Variants in AEBP2 observed in about 807,000 individuals in gnomAD.
AEBP2 encodes the protein AE binding protein 2, also known as zinc finger protein AEBP2.
A neutral mutation model predicts 50.8 loss-of-function variants in AEBP2; 10 were observed. The ratio of observed to expected loss-of-function variants is 0.20; its 90% CI spans 0.12 to 0.33. The LOEUF (loss-of-function observed/expected upper bound fraction) is 0.33. Among genes scored for constraint, AEBP2 ranks in the 10% least tolerant of loss-of-function variants. The probability of loss-of-function intolerance (pLI) is 1.00; values close to 1 mark genes in which losing one functional copy is unlikely to be tolerated. For missense variants in AEBP2, 570 were observed against 688.0 expected (o/e 0.83, Z 1.92); for synonymous variants, 296 against 261.3 (o/e 1.13, Z -1.28).
chr12:19,452,852 AATG>A (rs1357383792), intron 1 of AEBP2, among the ~76,000 whole-genome samples: 1 of 152,158 alleles, frequency 6.6e-6, no homozygotes, highest in Non-Finnish European at 1.5e-5. Flanking sequence ...CTGTTAGCTG[AATG>A]ATAGTTTACC....
chr12:19,508,706 C>G lies in AEBP2; in HGVS notation c.1300-3692C>G, dbSNP rs1023418314. Among the ~76,000 whole-genome samples the G allele has an allele frequency of 3.9e-5, 6 of 152,192 alleles. No individual in the cohort carries two copies. In the East Asian group the frequency reaches 1.2e-3, roughly 29 times the overall value. ...CTTGCATAGATTCCTTAAGCTTAAACCTAGACTGATTGGCCTACCTTTCAT... is the reference window on the plus strand; with the variant it reads ...CTTGCATAGATTCCTTAAGCTTAAAGCTAGACTGATTGGCCTACCTTTCAT... On this transcript the variant is annotated intron_variant, in intron 5 of 7. Coordinates refer to ENST00000266508, the MANE Select transcript of AEBP2 (RefSeq NM_153207.5).
At chr12:19,410,903 C>T (rs189884995) in intron 1 of AEBP2, among the ~76,000 whole-genome samples, 11 of 152,202 alleles carry the variant, frequency 7.2e-5, no homozygotes, top group Non-Finnish European at 1.0e-4. Flanking sequence ...GAAGGAGGGA[C>T]GGCTTAACTT....
At position 19,508,567 on chromosome 12, in the gene AEBP2, T is replaced by G. The variant is rs535783814; in HGVS notation, c.1300-3831T>G. Among the ~76,000 whole-genome samples, 4 of 152,348 alleles carry G rather than the reference T, an allele frequency of 2.6e-5. 1 individual carries two copies. Among genetic ancestry groups the G allele is most frequent in the African/African-American group, 9.6e-5 (4 of 41,582 alleles). On this transcript the variant is annotated intron_variant, in intron 5 of 7. Coordinates refer to ENST00000266508, the MANE Select transcript of AEBP2 (RefSeq NM_153207.5). ...ATTTTAAGAGTTTGACGTTATTGTTTTGCCTGATTTTATTTTATTTAAGCA... is the reference window on the plus strand; with the variant it reads ...ATTTTAAGAGTTTGACGTTATTGTTGTGCCTGATTTTATTTTATTTAAGCA...
At chr12:19,502,896 C>T (rs2120531255) in intron 5 of AEBP2, among the ~76,000 whole-genome samples, 1 of 152,302 alleles carries the variant, frequency 6.6e-6, no homozygotes, top group Non-Finnish European at 1.5e-5. Flanking sequence ...GATCCAGCCG[C>T]TTCAGCTTCC....
intron 1 of AEBP2, among the ~76,000 whole-genome samples, chr12:19,425,587 A>G (rs920083388): frequency 6.6e-6 from 1 of 151,900 alleles, no homozygotes; most frequent in Non-Finnish European, 1.5e-5. Flanking sequence ...CAGGCTGGCC[A>G]ACATGCTGAA....
intron 2 of AEBP2, 131 bp downstream of exon 2, chr12:19,462,848 T>A (rs1346926869): frequency 2.1e-5 from 17 of 791,950 alleles, no homozygotes; most frequent in South Asian, 1.0e-4. Flanking sequence ...TTCAAGTGAA[T>A]TTTTAATAAT....
At chr12:19,470,390 G>A (rs189923810) in intron 2 of AEBP2, among the ~76,000 whole-genome samples, 268 of 152,206 alleles carry the variant, frequency 1.8e-3, no homozygotes, top group Middle Eastern at 6.8e-3. Flanking sequence ...CTCCTGGCCT[G>A]AAGTGATCCA....
At chr12:19,498,914 G>C (rs1413365683) in intron 4 of AEBP2, among the ~76,000 whole-genome samples, 2 of 152,098 alleles carry the variant, frequency 1.3e-5, no homozygotes, top group Non-Finnish European at 2.9e-5. Flanking sequence ...AAGAGGCTGA[G>C]ACAGGAGGAT....
chr12:19,445,127 T>C (rs925491792), intron 1 of AEBP2, among the ~76,000 whole-genome samples: 3 of 152,182 alleles, frequency 2.0e-5, no homozygotes, highest in Non-Finnish European at 4.4e-5. Context: ...GAGTATTTGG[T>C]ACACGTTCAT....
At chr12:19,511,851 C>CTA (rs1949236806) in intron 5 of AEBP2, among the ~76,000 whole-genome samples, 2 of 151,754 alleles carry the variant, frequency 1.3e-5, no homozygotes, top group African/African-American at 4.8e-5. Flanking sequence ...ATACTAAACA[C>CTA]TACTATAGGT....
At chr12:19,490,877 G>C (rs1471988667) in intron 3 of AEBP2, among the ~76,000 whole-genome samples, 3 of 152,168 alleles carry the variant, frequency 2.0e-5, no homozygotes, top group Non-Finnish European at 4.4e-5. Flanking sequence ...AAATAGTGTT[G>C]GCGAGAATGT....
intron 1 of AEBP2, among the ~76,000 whole-genome samples, chr12:19,460,868 A>C (rs1363736204): frequency 2.7e-5 from 4 of 148,274 alleles, no homozygotes; most frequent in South Asian, 2.1e-4. Flanking sequence ...GTTAGCCAGG[A>C]TGGTCTCGAT....
intron 1 of AEBP2, among the ~76,000 whole-genome samples, chr12:19,461,151 G>T (rs1039473984): frequency 6.6e-6 from 1 of 152,168 alleles, no homozygotes; most frequent in African/African-American, 2.4e-5. Context: ...CCTCTTTAAA[G>T]TTAATATAAT....
At chr12:19,474,051 T>C (rs936487325) in intron 3 of AEBP2, among the ~76,000 whole-genome samples, 1 of 152,172 alleles carries the variant, frequency 6.6e-6, no homozygotes, top group Non-Finnish European at 1.5e-5. Context: ...ATAAAATAAA[T>C]AAATTGTAGG....
intron 3 of AEBP2, among the ~76,000 whole-genome samples, chr12:19,487,148 A>G (rs1948821017): frequency 1.3e-5 from 2 of 152,136 alleles, no homozygotes; most frequent in Non-Finnish European, 2.9e-5. Context: ...GTTAATAGAA[A>G]TTCTTCAGAA....
intron 1 of AEBP2, among the ~76,000 whole-genome samples, chr12:19,451,963 T>C (rs2638412): frequency 5.9e-5 from 9 of 152,294 alleles, no homozygotes; most frequent in African/African-American, 1.9e-4. Context: ...ACAATCTTGC[T>C]TCACTGCACC....
At position 19,520,570 on chromosome 12, in the gene AEBP2, A is replaced by T. The variant is rs1355512972; in HGVS notation, c.*2453A>T. 6.6e-6 allele frequency: 1 copy of T among 152,164 alleles called. No homozygotes were observed. The highest frequency in any genetic ancestry group is 1.9e-4 in the East Asian group (1 of 5,200). The allele number at this position is 152,164 out of a possible 1,614,324, so 9.4% of individuals were successfully genotyped here. Reference sequence around the variant, plus strand: ...TTTAATTTGTGGTTTTCATTTATTAATGTCTGCCCATCTGTATTGTTGCTC... The same window carrying T: ...TTTAATTTGTGGTTTTCATTTATTATTGTCTGCCCATCTGTATTGTTGCTC... On this transcript the variant is annotated 3_prime_UTR_variant, in exon 8 of 8. Transcript: ENST00000266508.
At chr12:19,457,584 G>T in intron 1 of AEBP2, 1 of 1,481,988 alleles carries the variant, frequency 6.7e-7, no homozygotes, top group Non-Finnish European at 9.0e-7. Flanking sequence ...GCCAGTAGTG[G>T]TGGACTTGTA....
In AEBP2 at chr12:19,507,220, A is replaced by G. The variant is rs192900867; in HGVS notation, c.1300-5178A>G. ...GGCTTACCAAACATTTAATGATTTA[A>G]AGGGCAATAGATTTAGTGAAATGGT... On this transcript the variant is annotated intron_variant, in intron 5 of 7. Transcript: ENST00000266508. Among the ~76,000 whole-genome samples, 152 of 152,316 alleles carry G rather than the reference A, an allele frequency of 1.0e-3. 4 individuals are homozygous for G. The East Asian group carries it at 0.026, about 27-fold the overall frequency.
Sources: allele counts gnomAD v4.1 joint callset (sites outside exome capture counted in the v4.1 genomes callset), GRCh38; gene constraint gnomAD v4.1.1; transcripts MANE v1.5; gene names NCBI Gene and HGNC (gene_info 2026-07-23, HGNC 2026-07-21).